Variants in PTPRM observed in about 807,000 individuals in gnomAD.
PTPRM encodes the protein receptor-type tyrosine-protein phosphatase mu.
PTPRM carries 47 observed loss-of-function variants against 186.7 expected under a neutral mutation model. That is an observed-to-expected ratio of 0.25 (90% CI 0.20 to 0.32). PTPRM has a LOEUF of 0.32. PTPRM is among the 10% of genes least tolerant of loss of function. The probability of loss-of-function intolerance (pLI) is 1.00; values close to 1 mark genes in which losing one functional copy is unlikely to be tolerated. For missense variants in PTPRM, 1,494 were observed against 1,865.0 expected (o/e 0.80, Z 3.66); for synonymous variants, 668 against 674.9 (o/e 0.99, Z 0.16).
intron 1 of PTPRM, among the ~76,000 whole-genome samples, chr18:7,580,781 C>A (rs1162542843): frequency 6.6e-6 from 1 of 152,204 alleles, no homozygotes; most frequent in African/African-American, 2.4e-5. Context: ...CATATTATGT[C>A]TCCCTCCCCA....
intron 1 of PTPRM, among the ~76,000 whole-genome samples, chr18:7,637,167 C>CAAAAA (rs11296631): frequency 1.4e-5 from 1 of 72,140 alleles, no homozygotes; most frequent in Non-Finnish European, 3.4e-5. Flanking sequence ...GACCCTGACT[C>CAAAAA]AAAAAAAAAA....
intron 1 of PTPRM, among the ~76,000 whole-genome samples, chr18:7,616,884 C>A (rs2037818582): frequency 6.6e-6 from 1 of 152,080 alleles, no homozygotes; most frequent in South Asian, 2.1e-4. Flanking sequence ...GCTCTCCTGG[C>A]CAGCGCCCAG....
chr18:7,727,850 T>C (rs1279850769), intron 1 of PTPRM, among the ~76,000 whole-genome samples: 2 of 152,238 alleles, frequency 1.3e-5, no homozygotes, highest in Non-Finnish European at 2.9e-5. Flanking sequence ...GATCATCTCC[T>C]GTGTGCCAGG....
intron 14 of PTPRM, among the ~76,000 whole-genome samples, chr18:8,207,356 T>C (rs1044556995): frequency 4.6e-5 from 7 of 152,224 alleles, no homozygotes; most frequent in Admixed American, 3.9e-4. Flanking sequence ...TTAGAATTTC[T>C]TCTAAGGGAA....
chr18:8,258,452 C>T (rs924424255), intron 19 of PTPRM, among the ~76,000 whole-genome samples: 4 of 152,152 alleles, frequency 2.6e-5, no homozygotes, highest in African/African-American at 9.7e-5. Flanking sequence ...TGTTGCACCC[C>T]TTGTAAGTGG....
chr18:8,252,656 T>C (rs2094538834), intron 18 of PTPRM, among the ~76,000 whole-genome samples, 157 bp downstream of exon 18: 1 of 152,212 alleles, frequency 6.6e-6, no homozygotes, highest in African/African-American at 2.4e-5. Context: ...GTCCACAACA[T>C]TTTGTCAAGC....
chr18:7,877,932 A>ACT (rs1599233516), intron 2 of PTPRM, among the ~76,000 whole-genome samples: 1 of 151,176 alleles, frequency 6.6e-6, no homozygotes, highest in Non-Finnish European at 1.5e-5. Context: ...AAGGAGTGTG[A>ACT]CTCTCTCTGT....
At chr18:8,239,052 A>G (rs547064423) in intron 14 of PTPRM, among the ~76,000 whole-genome samples, 1 of 148,946 alleles carries the variant, frequency 6.7e-6, no homozygotes, top group African/African-American at 2.5e-5. Context: ...TGTGCAGGTT[A>G]GTTACATATG....
chr18:7,713,340 A>C (rs896451743), intron 1 of PTPRM, among the ~76,000 whole-genome samples: 4 of 152,174 alleles, frequency 2.6e-5, no homozygotes, highest in African/African-American at 9.7e-5. Context: ...TGTTACCACC[A>C]GACCTGCCTT....
chr18:7,921,874 A>C (rs2050886837), intron 4 of PTPRM, among the ~76,000 whole-genome samples: 1 of 152,050 alleles, frequency 6.6e-6, no homozygotes, highest in South Asian at 2.1e-4. Flanking sequence ...CAAGTCAGTC[A>C]CTGGTTCCTT....
chr18:8,358,122 G>T (rs992414935), intron 23 of PTPRM, among the ~76,000 whole-genome samples: 1 of 150,982 alleles, frequency 6.6e-6, no homozygotes, highest in Middle Eastern at 3.4e-3. Flanking sequence ...TTTGTTTAAG[G>T]CTAGCTATTC....
At chr18:7,596,928 AC>A (rs1266369098) in intron 1 of PTPRM, among the ~76,000 whole-genome samples, 1 of 151,086 alleles carries the variant, frequency 6.6e-6, no homozygotes, top group Non-Finnish European at 1.5e-5. Flanking sequence ...ATTTCGGCTC[AC>A]TGCAACCTCC....
At chr18:7,663,253 C>T (rs563287247) in intron 1 of PTPRM, among the ~76,000 whole-genome samples, 1 of 152,300 alleles carries the variant, frequency 6.6e-6, no homozygotes, top group South Asian at 2.1e-4. Flanking sequence ...CAACTGTTTA[C>T]TGCCAGTATT....
At chr18:8,238,078 A>T (rs1471192770) in intron 14 of PTPRM, among the ~76,000 whole-genome samples, 1 of 152,212 alleles carries the variant, frequency 6.6e-6, no homozygotes, top group Non-Finnish European at 1.5e-5. Flanking sequence ...GTTTCATAAA[A>T]TTAGAAATCA....
intron 13 of PTPRM, among the ~76,000 whole-genome samples, chr18:8,127,232 TG>T (rs1413431529): frequency 6.6e-6 from 1 of 152,046 alleles, no homozygotes; most frequent in African/African-American, 2.4e-5. Context: ...GTACTGGTCA[TG>T]GGGAATGGAT....
At chr18:7,870,401 T>G (rs2047924569) in intron 2 of PTPRM, among the ~76,000 whole-genome samples, 1 of 152,200 alleles carries the variant, frequency 6.6e-6, no homozygotes, top group Non-Finnish European at 1.5e-5. Context: ...TTAGCAGTCT[T>G]TCTTTCCTGT....
At chr18:7,618,026 A>G (rs2143937381) in intron 1 of PTPRM, among the ~76,000 whole-genome samples, 1 of 152,290 alleles carries the variant, frequency 6.6e-6, no homozygotes, top group Non-Finnish European at 1.5e-5. Context: ...GTTCTCTGAG[A>G]TGTTGCCTTG....
At chr18:7,946,294 TAGG>T (rs1380008143) in intron 5 of PTPRM, among the ~76,000 whole-genome samples, 5 of 152,202 alleles carry the variant, frequency 3.3e-5, no homozygotes, top group Non-Finnish European at 4.4e-5. Flanking sequence ...GGAAAAATAT[TAGG>T]AGATTATTAC....
At chr18:8,295,769 A>G (rs796463181) in intron 19 of PTPRM, among the ~76,000 whole-genome samples, 11 of 152,314 alleles carry the variant, frequency 7.2e-5, no homozygotes, top group African/African-American at 2.4e-4. Flanking sequence ...TTGAACAAAA[A>G]AAAATTGAAT....
Sources: gnomAD v4.1 joint callset for allele counts (sites outside exome capture counted in the v4.1 genomes callset) on GRCh38, gnomAD v4.1.1 for gene constraint, MANE v1.5 for transcripts, NCBI Gene and HGNC (gene_info 2026-07-23, HGNC 2026-07-21) for gene names.